The following PAK5 variants were observed in gnomAD, a reference collection of about 807,000 sequenced individuals.
The protein encoded by PAK5 is p21 (RAC1) activated kinase 5, also known as serine/threonine-protein kinase PAK 5.
A neutral mutation model predicts 65.9 loss-of-function variants in PAK5; 16 were observed. That is an observed-to-expected ratio of 0.24 (90% CI 0.16 to 0.37). The LOEUF (loss-of-function observed/expected upper bound fraction) is 0.37. Ranked by LOEUF, PAK5 falls within the 10% of genes least tolerant of loss-of-function variation. The probability of loss-of-function intolerance (pLI) is 1.00; values close to 1 mark genes in which losing one functional copy is unlikely to be tolerated. For synonymous variants in PAK5, 371 were observed against 354.9 expected, an observed-to-expected ratio of 1.05 and a Z score of -0.51; for missense variants, 785 against 903.9, an observed-to-expected ratio of 0.87 and a Z score of 1.69.
intron 1 of PAK5, among the ~76,000 whole-genome samples, chr20:9,780,694 C>T (rs771713380): frequency 6.6e-6 from 1 of 151,968 alleles, no homozygotes; most frequent in Admixed American, 6.6e-5. Flanking sequence ...TACACACCCC[C>T]CTTGGAAGCT....
intron 1 of PAK5, among the ~76,000 whole-genome samples, chr20:9,828,330 G>T (rs1015913412): frequency 1.6e-4 from 25 of 152,096 alleles, no homozygotes; most frequent in Non-Finnish European, 3.4e-4. Flanking sequence ...TTGTTTGTCT[G>T]TTTCTCTATC....
rs1370817633 is a variant in PAK5 at position 9,654,248 on chromosome 20, T to C, written c.-11-9909A>G. Among the ~76,000 whole-genome samples, 21 of 152,240 alleles carry C rather than the reference T, an allele frequency of 1.4e-4. No homozygotes were observed. The South Asian group carries it at 2.9e-3, about 21-fold the overall frequency. On this transcript the variant is annotated intron_variant, in intron 2 of 9. Transcript: ENST00000353224. ...TCAGCCTCCCAAAGTGCTGGGATTATAGGCGTGAGCCACCGTGCCCGGCCC... is the reference window on the plus strand; with the variant it reads ...TCAGCCTCCCAAAGTGCTGGGATTACAGGCGTGAGCCACCGTGCCCGGCCC...
chr20:9,669,820 G>A (rs1485947217), intron 2 of PAK5, among the ~76,000 whole-genome samples: 4 of 151,606 alleles, frequency 2.6e-5, no homozygotes, highest in Non-Finnish European at 4.4e-5. Flanking sequence ...TGTGCACAAC[G>A]TGCAGGTTTG....
At chr20:9,772,910 T>C (rs765472653) in intron 1 of PAK5, among the ~76,000 whole-genome samples, 2 of 152,110 alleles carry the variant, frequency 1.3e-5, no homozygotes, top group African/African-American at 2.4e-5. Flanking sequence ...GGTTGAAAAA[T>C]ATTCCAACTT....
At chr20:9,601,461 A>C (rs2046357843) in intron 3 of PAK5, among the ~76,000 whole-genome samples, 1 of 152,194 alleles carries the variant, frequency 6.6e-6, no homozygotes, top group African/African-American at 2.4e-5. Flanking sequence ...CAATAGCCCT[A>C]GGAGACTTAT....
rs941860888 is a variant in PAK5, at chr20:9,537,493, C to A, written c.*1969G>T. 9.4e-6 allele frequency: 2 copies of A among 211,970 alleles called. No individual in the cohort carries two copies. Among genetic ancestry groups the A allele is most frequent in the Admixed American group, 5.9e-5 (1 of 16,962 alleles). 13.1% of individuals were successfully genotyped at this position (211,970 alleles called of 1,614,324 possible). A position where few individuals can be genotyped will look rare whatever the true frequency, so the allele number is the denominator to read the frequency against. On this transcript the variant is annotated 3_prime_UTR_variant, in exon 10 of 10. Transcript: ENST00000353224. ...TAACTTTTGGTAAACTCAATGAATA[C>A]TTTAAAAAATACCCGATGGTAAGAA...
At chr20:9,687,527 A>G (rs2047735365) in intron 2 of PAK5, among the ~76,000 whole-genome samples, 1 of 152,186 alleles carries the variant, frequency 6.6e-6, no homozygotes, top group Admixed American at 6.5e-5. Context: ...ACTTTACATG[A>G]TGCTCATCAT....
chr20:9,676,181 T>C (rs1306047399), intron 2 of PAK5, among the ~76,000 whole-genome samples: 1 of 152,030 alleles, frequency 6.6e-6, no homozygotes, highest in Non-Finnish European at 1.5e-5. Flanking sequence ...TCGTGAGACT[T>C]ACTATCACAA....
chr20:9,570,847 T>C (rs1297994309), intron 4 of PAK5, among the ~76,000 whole-genome samples: 1 of 152,198 alleles, frequency 6.6e-6, no homozygotes, highest in East Asian at 1.9e-4. Context: ...TTGCACTAAT[T>C]TAGGCCACTT....
chr20:9,832,304 A>T (rs910410569), intron 1 of PAK5, among the ~76,000 whole-genome samples: 6 of 151,958 alleles, frequency 3.9e-5, no homozygotes, highest in African/African-American at 9.7e-5. Flanking sequence ...ACAGAGTATC[A>T]CTCTGTCACC....
At chr20:9,587,851 C>G (rs1229777464) in intron 3 of PAK5, among the ~76,000 whole-genome samples, 2 of 151,946 alleles carry the variant, frequency 1.3e-5, no homozygotes, top group African/African-American at 4.8e-5. Context: ...TAAGAAGAGT[C>G]AGCATTATAT....
intron 3 of PAK5, among the ~76,000 whole-genome samples, chr20:9,617,609 G>T (rs997131952): frequency 1.2e-4 from 17 of 136,160 alleles, no homozygotes; most frequent in Non-Finnish European, 2.4e-4. Context: ...AGGCTGGAGT[G>T]CAGTGGTGCG....
rs1463757801 is a variant in PAK5, at chr20:9,723,859, C to A, written c.-161-12424G>T. Among the ~76,000 whole-genome samples, 3 of 152,176 alleles carry A rather than the reference C, an allele frequency of 2.0e-5. No homozygotes were observed. In the East Asian group the frequency reaches 5.8e-4, roughly 29 times the overall value. On this transcript the variant is annotated intron_variant, in intron 1 of 9. Coordinates refer to ENST00000353224, the MANE Select transcript of PAK5 (RefSeq NM_177990.4). ...CATGAGCAAGCCCAGTCTAGATCAGCTGAACCTCACAAGTTTGTGAGCTAA... is the reference window on the plus strand; with the variant it reads ...CATGAGCAAGCCCAGTCTAGATCAGATGAACCTCACAAGTTTGTGAGCTAA...
At chr20:9,803,866 A>G (rs1272200667) in intron 1 of PAK5, among the ~76,000 whole-genome samples, 2 of 152,108 alleles carry the variant, frequency 1.3e-5, no homozygotes, top group South Asian at 2.1e-4. Context: ...CATCCCCTCA[A>G]ATCAGGTTTG....
intron 1 of PAK5, among the ~76,000 whole-genome samples, chr20:9,735,959 T>TCTTGTTTCCTA: frequency 6.7e-6 from 1 of 150,020 alleles, no homozygotes; most frequent in East Asian, 2.0e-4. Flanking sequence ...TGGAGTGCAA[T>TCTTGTTTCCTA]GGCATGATCT....
At chr20:9,621,204 C>A (rs1324451040) in intron 3 of PAK5, among the ~76,000 whole-genome samples, 4 of 151,856 alleles carry the variant, frequency 2.6e-5, no homozygotes, top group Admixed American at 2.6e-4. Context: ...GAAGAGATGT[C>A]TCAAAACCTA....
At chr20:9,724,875 A>T (rs923301857) in intron 1 of PAK5, among the ~76,000 whole-genome samples, 34 of 152,152 alleles carry the variant, frequency 2.2e-4, no homozygotes, top group Non-Finnish European at 3.8e-4. Context: ...TTTTAATTGC[A>T]TATGTTAAAA....
chr20:9,601,584 C>T (rs572564837), intron 3 of PAK5, among the ~76,000 whole-genome samples: 1 of 152,212 alleles, frequency 6.6e-6, no homozygotes, highest in East Asian at 1.9e-4. Context: ...CGATTCTTCC[C>T]TCCTTCCCTG....
At chr20:9,640,153 C>A (rs909235815) in intron 3 of PAK5, among the ~76,000 whole-genome samples, 1 of 150,804 alleles carries the variant, frequency 6.6e-6, no homozygotes, top group Non-Finnish European at 1.5e-5. Flanking sequence ...TGTGCTGCAC[C>A]CATTAACTCA....
Sources: gnomAD v4.1 joint callset for allele counts (sites outside exome capture counted in the v4.1 genomes callset) on GRCh38, gnomAD v4.1.1 for gene constraint, MANE v1.5 for transcripts, NCBI Gene and HGNC (gene_info 2026-07-23, HGNC 2026-07-21) for gene names.